ERI3: variants seen among roughly 807,000 people sequenced by gnomAD.
ERI3 encodes the protein ERI1 exoribonuclease family member 3.
Under a neutral mutation model 44.4 loss-of-function variants are expected in ERI3, and 18 were observed. The ratio of observed to expected loss-of-function variants is 0.41; its 90% confidence interval spans 0.28 to 0.60. The LOEUF is 0.60. ERI3 is among the 20% of genes least tolerant of loss of function. The pLI is 0.36. For missense variants in ERI3, 294 were observed against 435.5 expected, an observed-to-expected ratio of 0.68 and a Z score of 2.89; for synonymous variants, 183 against 164.8, an observed-to-expected ratio of 1.11 and a Z score of -0.84.
chr1:44,252,072 T>C lies in ERI3; in HGVS notation c.832-4034A>G, dbSNP rs1644691465. Reference sequence around the variant, plus strand: ...CCATCAGGGTCCACCTGCCCAGCTATGCACAGTCAGCACCTAGCCCCTGGG... The same window carrying C: ...CCATCAGGGTCCACCTGCCCAGCTACGCACAGTCAGCACCTAGCCCCTGGG... On this transcript the variant is annotated intron_variant, in intron 7 of 8. Coordinates refer to ENST00000372257, the MANE Select transcript of ERI3 (RefSeq NM_024066.3). The surrounding 1 kb of genome is among the most constrained non-coding windows in gnomAD (Gnocchi z 4.7). Among the ~76,000 whole-genome samples, 2 of 152,214 alleles carry C rather than the reference T, an allele frequency of 1.3e-5. No homozygotes were observed. The highest frequency in any genetic ancestry group is 2.1e-4 in the South Asian group (1 of 4,832).
At chr1:44,240,622 T>C (rs571552399) in intron 8 of ERI3, among the ~76,000 whole-genome samples, 1 of 152,342 alleles carries the variant, frequency 6.6e-6, no homozygotes, top group South Asian at 2.1e-4. Flanking sequence ...ACAGCCCTTA[T>C]CACGGGGTTT....
intron 8 of ERI3, among the ~76,000 whole-genome samples, chr1:44,242,703 C>A (rs1025402003): frequency 6.6e-6 from 1 of 152,196 alleles, no homozygotes; most frequent in Non-Finnish European, 1.5e-5. Context: ...CACCCCCTTT[C>A]CTTGCCTATG....
chr1:44,345,843 G>C (rs1316094593), intron 2 of ERI3, among the ~76,000 whole-genome samples: 1 of 152,142 alleles, frequency 6.6e-6, no homozygotes, highest in Non-Finnish European at 1.5e-5. Flanking sequence ...AAAGAGAAAA[G>C]GACTGCCCAA....
At chr1:44,266,126 G>A (rs1644986292) in intron 7 of ERI3, among the ~76,000 whole-genome samples, 1 of 152,218 alleles carries the variant, frequency 6.6e-6, no homozygotes, top group Non-Finnish European at 1.5e-5. Context: ...GTCAGAGGAG[G>A]CTCTAGCACC....
At chr1:44,263,068 G>T (rs1453539148) in intron 7 of ERI3, among the ~76,000 whole-genome samples, 2 of 152,170 alleles carry the variant, frequency 1.3e-5, no homozygotes, top group Non-Finnish European at 2.9e-5. Context: ...AAGGGGAAAG[G>T]GATGTTGAAA....
At position 44,228,301 on chromosome 1, in the gene ERI3, G is replaced by A. The variant is rs114043681; in HGVS notation, c.932-6661C>T. On this transcript the variant is annotated intron_variant, in intron 8 of 8. Coordinates refer to ENST00000372257, the MANE Select transcript of ERI3 (RefSeq NM_024066.3). This position sits in a 1 kb window ranked among gnomAD's most constrained non-coding sequence, Gnocchi z 4.3. ...CAGGCTGATGGTGAAGGATGACGAT[G>A]GTTCCACAATAAGGGGAAAAGGCAA... Among the ~76,000 whole-genome samples the A allele has an allele frequency of 5.7e-3, 864 of 152,220 alleles. 9 individuals are homozygous for A. Among genetic ancestry groups the A allele is most frequent in the African/African-American group, 0.02 (815 of 41,520 alleles).
At chr1:44,283,435 G>A (rs1400363132) in intron 7 of ERI3, among the ~76,000 whole-genome samples, 2 of 152,224 alleles carry the variant, frequency 1.3e-5, no homozygotes, top group Non-Finnish European at 2.9e-5. Context: ...GAGACTGACT[G>A]CTGGGCTTCT....
intron 8 of ERI3, among the ~76,000 whole-genome samples, chr1:44,224,697 A>G (rs1643992902): frequency 6.6e-6 from 1 of 152,216 alleles, no homozygotes; most frequent in South Asian, 2.1e-4. Context: ...GATAGCACAG[A>G]TGACTGATAG....
intron 7 of ERI3, among the ~76,000 whole-genome samples, chr1:44,257,807 T>C (rs932620401): frequency 5.9e-5 from 9 of 152,160 alleles, no homozygotes; most frequent in African/African-American, 1.7e-4. Context: ...TCCCTGGTGA[T>C]AGCTGACCAA....
At chr1:44,222,608 C>T (rs1643928855) in intron 8 of ERI3, among the ~76,000 whole-genome samples, 1 of 152,184 alleles carries the variant, frequency 6.6e-6, no homozygotes, top group East Asian at 1.9e-4. Context: ...CCACCAGCAG[C>T]AGGAGGTGCA....
chr1:44,343,107 G>A (rs575796688), intron 2 of ERI3, among the ~76,000 whole-genome samples: 2 of 151,130 alleles, frequency 1.3e-5, no homozygotes, highest in Admixed American at 1.3e-4. Context: ...CAAGATGAGC[G>A]CATAACATCT....
At chr1:44,343,253 T>C (rs1343384514) in intron 2 of ERI3, among the ~76,000 whole-genome samples, 2 of 152,002 alleles carry the variant, frequency 1.3e-5, no homozygotes, top group Non-Finnish European at 2.9e-5. Context: ...TCCATAAAGA[T>C]ATAAATCAAT....
At chr1:44,340,657 T>C (rs1025321538) in intron 2 of ERI3, among the ~76,000 whole-genome samples, 1 of 152,236 alleles carries the variant, frequency 6.6e-6, no homozygotes, top group Non-Finnish European at 1.5e-5. Flanking sequence ...TAGTAGGATA[T>C]ACGCTAGTGT....
chr1:44,333,132 A>C (rs1200311187), intron 3 of ERI3, among the ~76,000 whole-genome samples: 1 of 152,222 alleles, frequency 6.6e-6, no homozygotes, highest in Non-Finnish European at 1.5e-5. Flanking sequence ...TATGGTGTTA[A>C]CTTTAATGTC....
chr1:44,236,099 C>G (rs1348680428), intron 8 of ERI3, among the ~76,000 whole-genome samples: 1 of 152,198 alleles, frequency 6.6e-6, no homozygotes, highest in Non-Finnish European at 1.5e-5. Flanking sequence ...CAAGCCCACT[C>G]TATCACAGTG....
At chr1:44,292,771 A>G (rs1645535352) in intron 6 of ERI3, among the ~76,000 whole-genome samples, 1 of 152,196 alleles carries the variant, frequency 6.6e-6, no homozygotes, top group African/African-American at 2.4e-5. Flanking sequence ...GCTGCAGGTT[A>G]CAATTCCAAC....
At chr1:44,230,786 CTTCT>C (rs780595463) in intron 8 of ERI3, among the ~76,000 whole-genome samples, 111 of 152,354 alleles carry the variant, frequency 7.3e-4, no homozygotes, top group Non-Finnish European at 9.7e-4. Flanking sequence ...CAGCCTCTTC[CTTCT>C]TTGACTTTAG....
chr1:44,351,145 C>T (rs1312096547), intron 2 of ERI3, among the ~76,000 whole-genome samples: 1 of 151,466 alleles, frequency 6.6e-6, no homozygotes, highest in East Asian at 1.9e-4. Flanking sequence ...GCAATTCTCC[C>T]GCCTCAGCCT....
chr1:44,352,936 A>G lies in ERI3; in HGVS notation c.136-11T>C, dbSNP rs1475430490. 6 of 1,613,982 alleles carry G rather than the reference A, an allele frequency of 3.7e-6. No individual in the cohort carries two copies. In the Admixed American group the frequency reaches 6.7e-5, roughly 18 times the overall value. On this transcript the variant is annotated splice_polypyrimidine_tract_variant and intron_variant, in intron 1 of 8. Coordinates refer to ENST00000372257, the MANE Select transcript of ERI3 (RefSeq NM_024066.3). ...TGGAAAGCCCCAATGCTGTGGATAA[A>G]TACACATCTCTGCAACAAGTCTATT...
Sources: gnomAD v4.1 joint callset for allele counts (sites outside exome capture counted in the v4.1 genomes callset) on GRCh38, gnomAD v4.1.1 for gene constraint, Gnocchi (gnomAD v3.1) non-coding constraint, MANE v1.5 for transcripts, NCBI Gene and HGNC (gene_info 2026-07-23, HGNC 2026-07-21) for gene names.